IL20RB: variants seen among roughly 807,000 people sequenced by gnomAD.
IL20RB encodes interleukin 20 receptor subunit beta, also known as interleukin-20 receptor subunit beta.
IL20RB carries 21 observed loss-of-function variants against 33.3 expected under a neutral mutation model. That is an observed-to-expected ratio of 0.63 (90% CI 0.45 to 0.91). IL20RB has a LOEUF of 0.91. IL20RB is among the 40% of genes least tolerant of loss of function. IL20RB has a pLI of 0.00. For missense variants in IL20RB, 345 were observed against 384.8 expected (o/e 0.90, Z 0.86); for synonymous variants, 147 against 146.8 (o/e 1.00, Z -0.01).
At chr3:137,000,630 A>T (rs1942224409) in intron 6 of IL20RB, among the ~76,000 whole-genome samples, 1 of 152,196 alleles carries the variant, frequency 6.6e-6, no homozygotes, top group African/African-American at 2.4e-5. Flanking sequence ...TGCTCTCCTG[A>T]CATAAGTGGA....
chr3:136,963,376 G>GA (rs1206092750), intron 1 of IL20RB, among the ~76,000 whole-genome samples: 1 of 152,044 alleles, frequency 6.6e-6, no homozygotes, highest in African/African-American at 2.4e-5. Context: ...AAACTATTTT[G>GA]AAAAAGAGTA....
chr3:136,997,966 C>T (rs1189517328), intron 6 of IL20RB, among the ~76,000 whole-genome samples: 1 of 151,918 alleles, frequency 6.6e-6, no homozygotes, highest in Non-Finnish European at 1.5e-5. Flanking sequence ...GACAGGGTTT[C>T]ACCATATTGA....
intron 1 of IL20RB, among the ~76,000 whole-genome samples, chr3:136,966,460 C>T (rs1941353475): frequency 1.2e-5 from 1 of 85,062 alleles, no homozygotes; most frequent in Non-Finnish European, 2.3e-5. Flanking sequence ...TCCATTTCTT[C>T]TAGATTTTCT....
chr3:136,972,142 A>C (rs1941501853), intron 1 of IL20RB, among the ~76,000 whole-genome samples: 2 of 152,164 alleles, frequency 1.3e-5, no homozygotes, highest in Non-Finnish European at 2.9e-5. Context: ...TCTTCTTTTG[A>C]GAAATGTCTA....
chr3:136,966,091 G>C (rs1192273143), intron 1 of IL20RB, among the ~76,000 whole-genome samples: 1 of 132,740 alleles, frequency 7.5e-6, no homozygotes, highest in Non-Finnish European at 1.6e-5. Context: ...TGCTGGATTC[G>C]GTTTGCCAGT....
intron 1 of IL20RB, among the ~76,000 whole-genome samples, chr3:136,970,228 A>T (rs889522721): frequency 2.6e-5 from 4 of 151,550 alleles, no homozygotes; most frequent in Non-Finnish European, 5.9e-5. Context: ...AGTAGCTGGG[A>T]CTGTATTAGC....
chr3:137,005,902 C>T (rs1942340553), intron 6 of IL20RB, among the ~76,000 whole-genome samples: 1 of 152,170 alleles, frequency 6.6e-6, no homozygotes, highest in Admixed American at 6.5e-5. Context: ...GTGGCTGGTA[C>T]TGGTTGTTCA....
At chr3:136,962,302 C>T (rs999931193) in intron 1 of IL20RB, among the ~76,000 whole-genome samples, 1 of 152,132 alleles carries the variant, frequency 6.6e-6, no homozygotes, top group African/African-American at 2.4e-5. Context: ...ACCAAGTGAT[C>T]AGGGTGGTTA....
At chr3:136,985,337 CTTTT>C (rs35515236) in intron 3 of IL20RB, among the ~76,000 whole-genome samples, 7 of 137,266 alleles carry the variant, frequency 5.1e-5, no homozygotes, top group Non-Finnish European at 4.7e-5. Context: ...CTCTCTCTCT[CTTTT>C]TTTTTTTTTT....
In IL20RB at chr3:136,989,429, TCTTGC is replaced by T. The variant is rs767924657; in HGVS notation, c.407-10_407-6del. 12 of 1,613,408 alleles carry T rather than the reference TCTTGC, an allele frequency of 7.4e-6. No homozygotes were observed. Among genetic ancestry groups the T allele is most frequent in the Non-Finnish European group, 1.0e-5 (12 of 1,179,556 alleles). On this transcript the variant is annotated splice_region_variant and splice_polypyrimidine_tract_variant and intron_variant, in intron 3 of 6. Coordinates refer to ENST00000329582, the MANE Select transcript of IL20RB (RefSeq NM_144717.4). ...GGGGCTGGCTTTGACTCTCCTGTTG[TCTTGC>T]CAACAGCCATCCTTACCCGACCTGG...
In IL20RB at chr3:136,992,100, T is replaced by G. The variant is rs1227903755; in HGVS notation, c.682+12T>G. The G allele has an allele frequency of 6.2e-7, 1 of 1,613,678 alleles. No individual in the cohort carries two copies. The highest frequency in any genetic ancestry group is 1.1e-5 in the South Asian group (1 of 91,040). On this transcript the variant is annotated intron_variant, in intron 5 of 6. Transcript: ENST00000329582. ...TGTGGAGGTGCAAGGTAAGGATGGC[T>G]TCTCTGTCCCTGGAGCCCTGCACAG...
chr3:136,997,656 A>G (rs544634790), intron 6 of IL20RB, among the ~76,000 whole-genome samples: 2 of 144,446 alleles, frequency 1.4e-5, no homozygotes, highest in East Asian at 2.0e-4. Flanking sequence ...CTATCTGTAT[A>G]TTTATATTTA....
intron 1 of IL20RB, among the ~76,000 whole-genome samples, chr3:136,962,466 A>C (rs1460960984): frequency 6.6e-6 from 1 of 152,272 alleles, no homozygotes; most frequent in East Asian, 1.9e-4. Flanking sequence ...AAAAAATGTC[A>C]AGGTCGGCCA....
intron 6 of IL20RB, among the ~76,000 whole-genome samples, chr3:137,002,420 A>G (rs1441242040): frequency 1.3e-5 from 2 of 152,170 alleles, no homozygotes; most frequent in African/African-American, 4.8e-5. Flanking sequence ...ATTTCTCCAT[A>G]TCCTCTCTAG....
chr3:136,998,915 A>G (rs897998769), intron 6 of IL20RB, among the ~76,000 whole-genome samples: 1 of 152,042 alleles, frequency 6.6e-6, no homozygotes, highest in Non-Finnish European at 1.5e-5. Context: ...TCATTCCCCT[A>G]TGTGAAATGT....
rs539483471 is a variant in IL20RB, at chr3:136,993,972, C to A, written c.683-1442C>A. Among the ~76,000 whole-genome samples, 385 of 150,696 alleles carry A rather than the reference C, an allele frequency of 2.6e-3. 4 individuals are homozygous for A. The highest frequency in any genetic ancestry group is 8.2e-3 in the African/African-American group (334 of 40,894). The stretch of plus-strand genomic sequence containing the variant: ...AGGTTGCAGTGAGCCGAGATTGCGC[C>A]ACTGCACTCCAGCCTGGGTGACAGA... On this transcript the variant is annotated intron_variant, in intron 5 of 6. Transcript: ENST00000329582.
intron 3 of IL20RB, among the ~76,000 whole-genome samples, chr3:136,985,556 C>T (rs749553296): frequency 2.0e-5 from 3 of 152,184 alleles, no homozygotes; most frequent in Non-Finnish European, 4.4e-5. Flanking sequence ...AGGCTGGTCT[C>T]GAACTCCTGA....
At chr3:136,974,640 C>T (rs1010861820) in intron 1 of IL20RB, among the ~76,000 whole-genome samples, 2 of 152,094 alleles carry the variant, frequency 1.3e-5, no homozygotes, top group African/African-American at 4.8e-5. Context: ...TCATGAGCCT[C>T]CTGTAACTAG....
At chr3:137,000,088 ATG>A (rs1647251880) in intron 6 of IL20RB, among the ~76,000 whole-genome samples, 1 of 152,204 alleles carries the variant, frequency 6.6e-6, no homozygotes, top group East Asian at 1.9e-4. Flanking sequence ...TGCCAACAAT[ATG>A]TTATAGAGAT....
Sources: gnomAD v4.1 joint callset for allele counts (sites outside exome capture counted in the v4.1 genomes callset) on GRCh38, gnomAD v4.1.1 for gene constraint, MANE v1.5 for transcripts, NCBI Gene and HGNC (gene_info 2026-07-23, HGNC 2026-07-21) for gene names.